DROSHA: variants seen among roughly 807,000 people sequenced by gnomAD.
DROSHA encodes drosha ribonuclease III.
In DROSHA, 56 loss-of-function variants were observed where a neutral mutation model predicts 181.9. The observed-to-expected ratio is 0.31, with a 90% CI of 0.25 to 0.38. The LOEUF (loss-of-function observed/expected upper bound fraction) is 0.38. Among genes scored for constraint, DROSHA ranks in the 10% least tolerant of loss-of-function variants. DROSHA has a pLI of 1.00. For missense variants in DROSHA, 1,218 were observed against 1,743.5 expected, an observed-to-expected ratio of 0.70 and a Z score of 5.37; for synonymous variants, 524 against 591.2, an observed-to-expected ratio of 0.89 and a Z score of 1.65.
chr5:31,412,860 G>C (rs377523133), intron 30 of DROSHA, among the ~76,000 whole-genome samples: 3 of 152,036 alleles, frequency 2.0e-5, no homozygotes, highest in Non-Finnish European at 4.4e-5. Flanking sequence ...TTTTTGGTTT[G>C]GATTTCATAT....
intron 13 of DROSHA, among the ~76,000 whole-genome samples, 197 bp downstream of exon 13, chr5:31,493,009 AC>A (rs1580287012): frequency 6.6e-6 from 1 of 152,322 alleles, no homozygotes; most frequent in East Asian, 1.9e-4. Context: ...TGCAGACCGA[AC>A]CCGTGACTCA....
chr5:31,416,732 A>AGTGCAGAG (rs1214059407), intron 30 of DROSHA, among the ~76,000 whole-genome samples: 2 of 152,228 alleles, frequency 1.3e-5, no homozygotes, highest in Non-Finnish European at 2.9e-5. Context: ...ATAGCAGCTC[A>AGTGCAGAG]GTGCAGAGGT....
At chr5:31,505,080 G>A (rs919255838) in intron 10 of DROSHA, among the ~76,000 whole-genome samples, 2 of 152,242 alleles carry the variant, frequency 1.3e-5, no homozygotes, top group Non-Finnish European at 2.9e-5. Context: ...CTCACTAGCA[G>A]AGAGAAGAAA....
At position 31,526,279 on chromosome 5, in the gene DROSHA, C is replaced by T. The variant is rs767003253; in HGVS notation, c.654G>A (p.Glu218=). The change falls in exon 5 of 36, where the codon GAG becomes GAA. Residue 218 remains glutamate, a synonymous_variant. Coordinates refer to ENST00000344624, the MANE Select transcript of DROSHA (RefSeq NM_001382508.1). ...GTTTCAGCCTTTCTGGGGACCTTCT[C>T]TCACTGGGAGCCTTTGGGAGTGGGT... ...PPYPLPKAPS[E]RRSPERLKHY... 1.3e-5 allele frequency: 21 copies of T among 1,613,786 alleles called. No individual in the cohort carries two copies. Among genetic ancestry groups the T allele is most frequent in the Middle Eastern group, 3.3e-4 (2 of 6,084 alleles).
At chr5:31,481,494 A>C (rs1342802397) in intron 16 of DROSHA, among the ~76,000 whole-genome samples, 1 of 152,230 alleles carries the variant, frequency 6.6e-6, no homozygotes, top group African/African-American at 2.4e-5. Context: ...CTTTTCAGCA[A>C]ATTCACTCTA....
At chr5:31,447,002 T>G (rs1561174900) in intron 23 of DROSHA, among the ~76,000 whole-genome samples, 1 of 152,008 alleles carries the variant, frequency 6.6e-6, no homozygotes, top group Non-Finnish European at 1.5e-5. Flanking sequence ...ATCATGCCAC[T>G]GCACCGCAGC....
Position 31,495,387 on chromosome 5 carries a change from A to C in DROSHA, c.1669-15T>G. 2.5e-6 allele frequency: 4 copies of C among 1,610,052 alleles called. No individual in the cohort carries two copies. The highest frequency in any genetic ancestry group is 3.4e-6 in the Non-Finnish European group (4 of 1,178,332). ...GGCTTGATGGCCTGAGGGGAAAAAAACGAAAATCAGTTTACAAGTAAAGCA... is the reference window on the plus strand; with the variant it reads ...GGCTTGATGGCCTGAGGGGAAAAAACCGAAAATCAGTTTACAAGTAAAGCA... On this transcript the variant is annotated splice_polypyrimidine_tract_variant and intron_variant, in intron 11 of 35. Transcript: ENST00000344624.
At chr5:31,495,858 C>G (rs1366361512) in intron 11 of DROSHA, among the ~76,000 whole-genome samples, 4 of 152,216 alleles carry the variant, frequency 2.6e-5, no homozygotes, top group South Asian at 4.1e-4. Flanking sequence ...TTTATTGCAG[C>G]TGCCAGTAGA....
intron 20 of DROSHA, 90 bp downstream of exon 20, chr5:31,464,146 G>A (rs1748748361): frequency 1.1e-5 from 12 of 1,062,816 alleles, no homozygotes; most frequent in Admixed American, 7.4e-5. Context: ...ATTTTCTAAA[G>A]AACATTCTCA....
intron 16 of DROSHA, among the ~76,000 whole-genome samples, chr5:31,480,636 C>T (rs1359191313): frequency 6.6e-6 from 1 of 151,982 alleles, no homozygotes. Context: ...AGAGATAATA[C>T]CAAAGACTAT....
At chr5:31,469,009 T>A (rs1328310649) in intron 17 of DROSHA, among the ~76,000 whole-genome samples, 2 of 152,218 alleles carry the variant, frequency 1.3e-5, no homozygotes, top group Non-Finnish European at 2.9e-5. Context: ...CTGGTCACTC[T>A]ACCTACAACT....
chr5:31,518,095 C>A (rs1483020192), intron 6 of DROSHA, among the ~76,000 whole-genome samples: 2 of 152,010 alleles, frequency 1.3e-5, no homozygotes, highest in Non-Finnish European at 2.9e-5. Context: ...CTACTACACA[C>A]CTCGGACAGG....
At chr5:31,528,007 C>T (rs183713566) in intron 4 of DROSHA, among the ~76,000 whole-genome samples, 1 of 152,262 alleles carries the variant, frequency 6.6e-6, no homozygotes, top group East Asian at 1.9e-4. Context: ...AGCCCCCACC[C>T]CCATGGATGC....
intron 13 of DROSHA, among the ~76,000 whole-genome samples, chr5:31,491,082 T>G (rs1453732416): frequency 1.4e-4 from 21 of 152,176 alleles, no homozygotes. Context: ...ACTACTATTT[T>G]TTTTAAAAAA....
chr5:31,401,363 G>A lies in DROSHA; in HGVS notation c.*69C>T. On this transcript the variant is annotated 3_prime_UTR_variant, in exon 36 of 36. Transcript: ENST00000344624. ...TCATTCATTGTCTGCAGGAAAACTA[G>A]GCTAGGTCTCAATAGACAACAGTCA... 1 of 1,582,408 alleles carries A rather than the reference G, an allele frequency of 6.3e-7. No individual in the cohort carries two copies.
chr5:31,421,530 G>A (rs1054888635), intron 29 of DROSHA, among the ~76,000 whole-genome samples, 153 bp from the exon 30 acceptor site: 5 of 152,088 alleles, frequency 3.3e-5, no homozygotes, highest in African/African-American at 9.7e-5. Flanking sequence ...AAGGCCCCTC[G>A]ATTGAGAAGA....
At chr5:31,481,424 T>TAAA (rs1751019595) in intron 16 of DROSHA, among the ~76,000 whole-genome samples, 3 of 152,210 alleles carry the variant, frequency 2.0e-5, no homozygotes, top group Admixed American at 6.5e-5. Flanking sequence ...GCCCACTTTC[T>TAAA]CTCAGACATC....
intron 2 of DROSHA, among the ~76,000 whole-genome samples, 179 bp downstream of exon 2, chr5:31,531,271 G>A (rs534843029): frequency 6.6e-6 from 1 of 152,206 alleles, no homozygotes; most frequent in Non-Finnish European, 1.5e-5. Context: ...AAAAGTCAGG[G>A]TCACGAACAC....
In DROSHA at chr5:31,486,569, T is replaced by C. The variant is rs1751785875; in HGVS notation, c.1843-7A>G. 1.2e-6 allele frequency: 2 copies of C among 1,612,626 alleles called. No homozygotes were observed. Among genetic ancestry groups the C allele is most frequent in the Non-Finnish European group, 1.7e-6 (2 of 1,179,338 alleles). On this transcript the variant is annotated splice_region_variant and splice_polypyrimidine_tract_variant and intron_variant, in intron 13 of 35. Transcript: ENST00000344624. ...TTACTTTACACAGTGGAATCTGCAA[T>C]AAAAAGAAGTGAGGTTCAGTTCCCC...
Sources: allele counts gnomAD v4.1 joint callset (sites outside exome capture counted in the v4.1 genomes callset), GRCh38; gene constraint gnomAD v4.1.1; transcripts MANE v1.5; gene names NCBI Gene and HGNC (gene_info 2026-07-23, HGNC 2026-07-21).